The following DPP4 variants were observed in gnomAD, a reference collection of about 807,000 sequenced individuals.
The protein encoded by DPP4 is ADCP-2.
Under a neutral mutation model 122.4 loss-of-function variants are expected in DPP4, and 93 were observed. That is an observed-to-expected ratio of 0.76 (90% CI 0.64 to 0.90). The LOEUF is 0.90. DPP4 is among the 40% of genes least tolerant of loss of function. The pLI, the probability that DPP4 is intolerant of heterozygous loss-of-function variation, is 0.00. For missense variants in DPP4, 914 were observed against 907.3 expected (o/e 1.01, Z -0.09); for synonymous variants, 321 against 302.9 (o/e 1.06, Z -0.62).
intron 2 of DPP4, among the ~76,000 whole-genome samples, chr2:162,061,674 A>T (rs937235956): frequency 2.0e-5 from 3 of 152,236 alleles, no homozygotes; most frequent in Non-Finnish European, 4.4e-5. Flanking sequence ...AGCAATATTA[A>T]TAAATGTTCA....
intron 19 of DPP4, among the ~76,000 whole-genome samples, chr2:162,013,225 C>A (rs1682770746): frequency 6.6e-6 from 1 of 150,890 alleles, no homozygotes; most frequent in Non-Finnish European, 1.5e-5. Context: ...TTTTTAAAAC[C>A]TTTTCTAATG....
intron 5 of DPP4, among the ~76,000 whole-genome samples, chr2:162,044,981 CG>C (rs1670652870): frequency 7.3e-6 from 1 of 136,278 alleles, no homozygotes; most frequent in South Asian, 2.3e-4. Flanking sequence ...TTTTTTTTGA[CG>C]GGGTCTCACT....
rs770446040 is a variant in DPP4, at chr2:162,017,113, T to C, written c.1463A>G (p.Asp488Gly). Residue 488 changes from aspartate (D) to glycine (G), a missense_variant, in exon 17 of 26, where the codon GAT becomes GGT. Asp to Gly is a moderately conservative substitution (Grantham distance 94). Transcript: ENST00000360534. ...PLYTLHSSVNDKGLRVLEDNS... is the reference protein window; with the variant it reads ...PLYTLHSSVNGKGLRVLEDNS... ...AGTAAAATATGAGAAAATACCTTTATCATTCACGCTGCTGTGTAGAGTATA... is the reference window on the plus strand; with the variant it reads ...AGTAAAATATGAGAAAATACCTTTACCATTCACGCTGCTGTGTAGAGTATA... The C allele has an allele frequency of 1.1e-5, 17 of 1,611,894 alleles. No homozygotes were observed. In the East Asian group the frequency reaches 3.8e-4, roughly 36 times the overall value.
At position 162,047,441 on chromosome 2, in the gene DPP4, G is replaced by C. The variant is rs200037864; in HGVS notation, c.155C>G (p.Thr52Ser). The C allele has an allele frequency of 6.3e-7, 1 of 1,586,374 alleles. No homozygotes were observed. Reference protein sequence around the residue: ...TYTLTDYLKNTYRLKLYSLRW... With the variant: ...TYTLTDYLKNSYRLKLYSLRW... ...TAAGGAGTATAACTTCAGTCTATAAGTATTTTTTAAGTAATCAGTTAGAGT... is the reference window on the plus strand; with the variant it reads ...TAAGGAGTATAACTTCAGTCTATAACTATTTTTTAAGTAATCAGTTAGAGT... Residue 52 changes from threonine to serine, a missense_variant, in exon 3 of 26, where the codon ACT becomes AGT. By Grantham distance (58) the Thr-to-Ser change is moderately conservative. Coordinates refer to ENST00000360534, the MANE Select transcript of DPP4 (RefSeq NM_001935.4).
intron 22 of DPP4, 64 bp downstream of exon 22, chr2:162,008,498 C>A: frequency 7.3e-7 from 1 of 1,365,920 alleles, no homozygotes; most frequent in South Asian, 1.2e-5. Flanking sequence ...AAAGGAATGG[C>A]TTTGTTACTG....
chr2:162,023,330 T>C (rs1394600604), intron 11 of DPP4, among the ~76,000 whole-genome samples: 1 of 152,186 alleles, frequency 6.6e-6, no homozygotes, highest in Non-Finnish European at 1.5e-5. Flanking sequence ...TGACCTTAGT[T>C]AGCAATAGAT....
At chr2:162,065,531 T>C (rs1353544786) in intron 2 of DPP4, among the ~76,000 whole-genome samples, 2 of 152,186 alleles carry the variant, frequency 1.3e-5, no homozygotes, top group Non-Finnish European at 2.9e-5. Context: ...TAAAACGCTA[T>C]CATTCAAATA....
chr2:162,037,132 A>G (rs1032571103), intron 8 of DPP4, among the ~76,000 whole-genome samples: 1 of 152,156 alleles, frequency 6.6e-6, no homozygotes, highest in African/African-American at 2.4e-5. Context: ...GAGAGGCCCA[A>G]ATTGGAGCTG....
chr2:162,030,113 T>C (rs548728569), intron 10 of DPP4, among the ~76,000 whole-genome samples: 33 of 152,378 alleles, frequency 2.2e-4, no homozygotes, highest in African/African-American at 6.3e-4. Context: ...ACAATGAATG[T>C]ACTGCTCTAG....
At chr2:162,064,078 T>C (rs1356705210) in intron 2 of DPP4, among the ~76,000 whole-genome samples, 1 of 152,152 alleles carries the variant, frequency 6.6e-6, no homozygotes, top group East Asian at 1.9e-4. Context: ...CCGGTGAGAA[T>C]TGAAGTTCTC....
Position 162,011,871 on chromosome 2 carries a change from T to C in DPP4, c.1754A>G (p.Tyr585Cys). The change falls in exon 20 of 26, where the codon TAC (tyrosine) becomes TGC (cysteine). Residue 585 changes from tyrosine to cysteine, a missense_variant. Tyr to Cys is a radical substitution (Grantham distance 194, BLOSUM62 -2). Transcript: ENST00000360534. ...TGCATGCATGATCTTATCTCCTTGG[T>C]AACCACTTCCTCTGCCATCAAAGCT... The part of the protein sequence containing the change: ...VASFDGRGSG[Y>C]QGDKIMHAIN... The C allele has an allele frequency of 6.2e-7, 1 of 1,613,830 alleles. No homozygotes were observed. The highest frequency in any genetic ancestry group is 8.5e-7 in the Non-Finnish European group (1 of 1,179,782).
intron 10 of DPP4, chr2:162,032,288 AGTT>A (rs1208415044): frequency 6.6e-6 from 1 of 152,250 alleles, no homozygotes; most frequent in African/African-American, 2.4e-5. Context: ...ACACGATGAC[AGTT>A]GTTGGAAAGA....
At chr2:162,040,148 A>G (rs1683936437) in intron 5 of DPP4, among the ~76,000 whole-genome samples, 1 of 152,138 alleles carries the variant, frequency 6.6e-6, no homozygotes, top group Non-Finnish European at 1.5e-5. Flanking sequence ...TCCAGATATA[A>G]GAAACTTTAC....
chr2:162,005,313 A>T (rs1419941153), intron 23 of DPP4, among the ~76,000 whole-genome samples: 2 of 152,242 alleles, frequency 1.3e-5, no homozygotes, highest in African/African-American at 4.8e-5. Flanking sequence ...TCTTTGTGAA[A>T]AAAAACTGTA....
At position 162,008,666 on chromosome 2, in the gene DPP4, G is replaced by A. The variant is rs200164809; in HGVS notation, c.1888-5C>T. On this transcript the variant is annotated splice_region_variant and splice_polypyrimidine_tract_variant and intron_variant, in intron 21 of 25. Transcript: ENST00000360534. ...GGTTACGTACCCTCCATATGACTAA[G>A]GAATGGAAACAGTTATTTTTATGGA... 6.8e-6 allele frequency: 11 copies of A among 1,611,336 alleles called. No individual in the cohort carries two copies. The highest frequency in any genetic ancestry group is 8.5e-6 in the Non-Finnish European group (10 of 1,177,788).
intron 2 of DPP4, among the ~76,000 whole-genome samples, chr2:162,071,798 C>T (rs935692817): frequency 3.3e-5 from 5 of 152,164 alleles, no homozygotes; most frequent in African/African-American, 7.2e-5. Flanking sequence ...CCTGTATACC[C>T]TACCCAGCAA....
At chr2:162,020,135 C>G (rs569871114) in intron 14 of DPP4, 94 bp downstream of exon 14, 1 of 1,067,466 alleles carries the variant, frequency 9.4e-7, no homozygotes, top group African/African-American at 1.6e-5. Context: ...AAAGACTACT[C>G]TTTATTTGTA....
intron 10 of DPP4, among the ~76,000 whole-genome samples, chr2:162,029,179 G>A (rs1683453318): frequency 6.6e-6 from 1 of 152,216 alleles, no homozygotes; most frequent in South Asian, 2.1e-4. Context: ...ATAATGCCTT[G>A]CAAACAGTAA....
chr2:162,029,849 A>C (rs939389684), intron 10 of DPP4, among the ~76,000 whole-genome samples: 1 of 152,050 alleles, frequency 6.6e-6, no homozygotes, highest in Admixed American at 6.5e-5. Context: ...AAAAGGAGGG[A>C]TTTCTATGCA....
Sources: gnomAD v4.1 joint callset for allele counts (sites outside exome capture counted in the v4.1 genomes callset) on GRCh38, gnomAD v4.1.1 for gene constraint, MANE v1.5 for transcripts, NCBI Gene and HGNC (gene_info 2026-07-23, HGNC 2026-07-21) for gene names.